Variants in CACNA2D4 observed in about 807,000 individuals in gnomAD.
The protein encoded by CACNA2D4 is calcium voltage-gated channel auxiliary subunit alpha2delta 4.
A neutral mutation model predicts 163.8 loss-of-function variants in CACNA2D4; 157 were observed. That is an observed-to-expected ratio of 0.96 (90% CI 0.84 to 1.09). The LOEUF (loss-of-function observed/expected upper bound fraction) is 1.09, where lower values mean the gene tolerates loss of function less well. CACNA2D4 is among the 50% of genes least tolerant of loss of function. The pLI, the probability that CACNA2D4 is intolerant of heterozygous loss-of-function variation, is 0.00. For synonymous variants in CACNA2D4, 598 were observed against 586.9 expected, an observed-to-expected ratio of 1.02 and a Z score of -0.27; for missense variants, 1,410 against 1,479.9, an observed-to-expected ratio of 0.95 and a Z score of 0.78.
intron 6 of CACNA2D4, among the ~76,000 whole-genome samples, chr12:1,905,820 G>A (rs1866647271): frequency 6.6e-6 from 1 of 152,086 alleles, no homozygotes; most frequent in Non-Finnish European, 1.5e-5. Context: ...ATCACAACGA[G>A]CAAGAGAAAC....
In CACNA2D4 at chr12:1,806,552, C is replaced by T. The variant is rs530774897; in HGVS notation, c.2721+3726G>A. On this transcript the variant is annotated intron_variant, in intron 29 of 37. Coordinates refer to ENST00000382722, the MANE Select transcript of CACNA2D4 (RefSeq NM_172364.5). The surrounding 1 kb of genome is among the most constrained non-coding windows in gnomAD (Gnocchi z 4.1). Reference sequence around the variant, plus strand: ...AGCTCAACAGGCTTCTCTCTCCAGGCCCCTGGGTAAGCCCTAGCAGGGACA... The same window carrying T: ...AGCTCAACAGGCTTCTCTCTCCAGGTCCCTGGGTAAGCCCTAGCAGGGACA... Among the ~76,000 whole-genome samples the T allele has an allele frequency of 5.3e-5, 8 of 152,328 alleles. No homozygotes were observed.
chr12:1,885,683 G>A (rs942743701), intron 9 of CACNA2D4, among the ~76,000 whole-genome samples: 2 of 152,286 alleles, frequency 1.3e-5, no homozygotes, highest in Middle Eastern at 3.4e-3. Flanking sequence ...AGGCAAAAGG[G>A]GAAATTGAGT....
At chr12:1,831,287 G>C in intron 26 of CACNA2D4, 1 of 1,613,660 alleles carries the variant, frequency 6.2e-7, no homozygotes, top group Non-Finnish European at 8.5e-7. Flanking sequence ...GGCACTCGCC[G>C]CTGCTCCGCC....
At chr12:1,893,280 G>A (rs1866329056) in intron 6 of CACNA2D4, among the ~76,000 whole-genome samples, 1 of 152,094 alleles carries the variant, frequency 6.6e-6, no homozygotes, top group East Asian at 1.9e-4. Context: ...CACTTTGTGG[G>A]GCTGAGGCGG....
chr12:1,875,205 A>T lies in CACNA2D4; in HGVS notation c.1806+46T>A. 1 of 1,350,974 alleles carries T rather than the reference A, an allele frequency of 7.4e-7. No homozygotes were observed. The highest frequency in any genetic ancestry group is 1.1e-6 in the Non-Finnish European group (1 of 940,534). 83.7% of individuals were successfully genotyped at this position (1,350,974 alleles called of 1,614,324 possible). On this transcript the variant is annotated intron_variant, in intron 17 of 37. Coordinates refer to ENST00000382722, the MANE Select transcript of CACNA2D4 (RefSeq NM_172364.5). The surrounding 1 kb of genome is among the most constrained non-coding windows in gnomAD (Gnocchi z 4.0). ...CCACACAGCTGACCCATTTAGTTGG[A>T]TGTAGAGCCTAACTAGCTTCCCTTC...
intron 16 of CACNA2D4, among the ~76,000 whole-genome samples, chr12:1,876,454 T>G (rs1865882711): frequency 6.6e-6 from 1 of 152,188 alleles, no homozygotes. Flanking sequence ...CCGGGTTTAG[T>G]TTATTAACCC....
rs1865709167 is a variant in CACNA2D4 at position 1,868,762 on chromosome 12, ACATCCC to A, written c.1878+5836_1878+5841del. On this transcript the variant is annotated intron_variant, in intron 18 of 37. Coordinates refer to ENST00000382722, the MANE Select transcript of CACNA2D4 (RefSeq NM_172364.5). ...TGGTCCTCCCATATCCACAGGTTCC[ACATCCC>A]TGGATTCGATCAACTGTGGATCAAA... Among the ~76,000 whole-genome samples, 4 of 152,248 alleles carry A rather than the reference ACATCCC, an allele frequency of 2.6e-5. No individual in the cohort carries two copies. In the East Asian group the frequency reaches 7.7e-4, roughly 29 times the overall value.
At position 1,856,224 on chromosome 12, in the gene CACNA2D4, G is replaced by A. The variant is rs1282541655; in HGVS notation, c.2014C>T (p.His672Tyr). The A allele has an allele frequency of 9.3e-6, 15 of 1,613,912 alleles. No individual in the cohort carries two copies. Among genetic ancestry groups the A allele is most frequent in the Non-Finnish European group, 1.3e-5 (15 of 1,179,888 alleles). ...LGNTSVEEGL[H>Y]DLLHPDLALA... is the part of the protein sequence containing the mutation. ...GCCAGGTCTGGGTGAAGCAAGTCAT[G>A]CAGGCCTGAAACCAGAGTCCACATT... Residue 672 changes from histidine to tyrosine, a missense_variant, in exon 21 of 38, where the codon CAT becomes TAT. Coordinates refer to ENST00000382722, the MANE Select transcript of CACNA2D4 (RefSeq NM_172364.5).
rs566444313 is a variant in CACNA2D4 at position 1,802,213 on chromosome 12, G to A, written c.2722-569C>T. On this transcript the variant is annotated intron_variant, in intron 29 of 37. Coordinates refer to ENST00000382722, the MANE Select transcript of CACNA2D4 (RefSeq NM_172364.5). The surrounding 1 kb of genome is among the most constrained non-coding windows in gnomAD (Gnocchi z 4.7). The stretch of plus-strand genomic sequence containing the variant: ...CCACAATCAGTGTGCCCTGTGGATC[G>A]GTCATTTGTCCCCTCCATGACAATG... Among the ~76,000 whole-genome samples the A allele has an allele frequency of 1.3e-4, 20 of 151,966 alleles. 1 individual carries two copies. In the South Asian group the frequency reaches 2.9e-3, roughly 22 times the overall value.
intron 26 of CACNA2D4, among the ~76,000 whole-genome samples, chr12:1,818,852 G>A (rs1410305059): frequency 6.1e-5 from 9 of 147,960 alleles, no homozygotes; most frequent in Non-Finnish European, 3.0e-5. Flanking sequence ...CAAACACTGC[G>A]GAAGGCGGCA....
chr12:1,841,979 G>A (rs950616232), intron 25 of CACNA2D4, among the ~76,000 whole-genome samples: 1 of 152,196 alleles, frequency 6.6e-6, no homozygotes, highest in Admixed American at 6.5e-5. Context: ...CAGACATCTC[G>A]AAGGTGGTGA....
chr12:1,818,016 C>T (rs1259611772), intron 26 of CACNA2D4, among the ~76,000 whole-genome samples: 25 of 151,338 alleles, frequency 1.7e-4, no homozygotes, highest in African/African-American at 5.1e-4. Context: ...TCTGCCCGGC[C>T]GCCATCCCAT....
chr12:1,909,158 C>G (rs560355977), intron 4 of CACNA2D4, among the ~76,000 whole-genome samples: 5 of 152,350 alleles, frequency 3.3e-5, no homozygotes, highest in African/African-American at 1.2e-4. Flanking sequence ...CCCACTGTTT[C>G]CTCAACCAAC....
chr12:1,876,303 C>T (rs1865878807), intron 16 of CACNA2D4, among the ~76,000 whole-genome samples: 1 of 152,194 alleles, frequency 6.6e-6, no homozygotes, highest in African/African-American at 2.4e-5. Context: ...CAGATCAGTG[C>T]TTAATAAAGA....
At chr12:1,916,634 C>A (rs117990721) in intron 1 of CACNA2D4, among the ~76,000 whole-genome samples, 1 of 152,068 alleles carries the variant, frequency 6.6e-6, no homozygotes, top group Non-Finnish European at 1.5e-5. Flanking sequence ...CCCAGCGGAG[C>A]GCAGTGCCAC....
chr12:1,874,223 C>T lies in CACNA2D4; in HGVS notation c.1878+381G>A, dbSNP rs1363229806. Among the ~76,000 whole-genome samples the T allele has an allele frequency of 6.6e-6, 1 of 152,170 alleles. No homozygotes were observed. The highest frequency in any genetic ancestry group is 3.2e-3 in the Middle Eastern group (1 of 316). ...GAATAGTGAATATTTCAATCTCTTCCTGTATAACACTTCACAAGAGCTGCT... is the reference window on the plus strand; with the variant it reads ...GAATAGTGAATATTTCAATCTCTTCTTGTATAACACTTCACAAGAGCTGCT... On this transcript the variant is annotated intron_variant, in intron 18 of 37. Transcript: ENST00000382722. This position sits in a 1 kb window ranked among gnomAD's most constrained non-coding sequence, Gnocchi z 4.4.
chr12:1,840,584 A>G (rs1273782641), intron 26 of CACNA2D4, among the ~76,000 whole-genome samples, 155 bp downstream of exon 26: 1 of 152,216 alleles, frequency 6.6e-6, no homozygotes, highest in African/African-American at 2.4e-5. Context: ...TTACAAATGA[A>G]ATGGCTTAGG....
At position 1,820,506 on chromosome 12, in the gene CACNA2D4, A is replaced by T. The variant is rs1321289840; in HGVS notation, c.2552-8783T>A. ...CCACTCTGGCTCGCTGCTCGCGCAC[A>T]CGCGTGCGCTCTCCTCCCTCGCCCC... On this transcript the variant is annotated intron_variant, in intron 26 of 37. Transcript: ENST00000382722. The surrounding 1 kb of genome is among the most constrained non-coding windows in gnomAD (Gnocchi z 6.0). 5 of 152,284 alleles carry T rather than the reference A, an allele frequency of 3.3e-5. No individual in the cohort carries two copies. The highest frequency in any genetic ancestry group is 6.5e-5 in the Admixed American group (1 of 15,280). 9.4% of individuals were successfully genotyped at this position (152,284 alleles called of 1,614,324 possible). A position where few individuals can be genotyped will look rare whatever the true frequency, so the allele number is the denominator to read the frequency against.
At chr12:1,889,305 T>C (rs2013095) in intron 6 of CACNA2D4, among the ~76,000 whole-genome samples, 87,964 of 151,992 alleles carry the variant, frequency 0.58, 27,131 homozygotes, top group East Asian at 0.84. Flanking sequence ...ACAAATAAAA[T>C]GGTAAATAAG....
Sources: allele counts gnomAD v4.1 joint callset (sites outside exome capture counted in the v4.1 genomes callset), GRCh38; gene constraint gnomAD v4.1.1; non-coding constraint Gnocchi (gnomAD v3.1); transcripts MANE v1.5; gene names NCBI Gene and HGNC (gene_info 2026-07-23, HGNC 2026-07-21).